Variants in NEDD4L observed in about 807,000 individuals in gnomAD.
The protein encoded by NEDD4L is NEDD4 like E3 ubiquitin protein ligase, also known as E3 ubiquitin-protein ligase NEDD4-like.
A neutral mutation model predicts 148.9 loss-of-function variants in NEDD4L; 54 were observed. The ratio of observed to expected loss-of-function variants is 0.36; its 90% CI spans 0.29 to 0.45. The LOEUF is 0.45. NEDD4L is among the 20% of genes least tolerant of loss of function. The probability of loss-of-function intolerance (pLI) is 1.00; values close to 1 mark genes in which losing one functional copy is unlikely to be tolerated. For missense variants in NEDD4L, 856 were observed against 1,233.8 expected (o/e 0.69, Z 4.59); for synonymous variants, 433 against 440.7 (o/e 0.98, Z 0.22).
chr18:58,077,051 T>C (rs566343686), intron 1 of NEDD4L, among the ~76,000 whole-genome samples: 1 of 151,272 alleles, frequency 6.6e-6, no homozygotes, highest in Non-Finnish European at 1.5e-5. Context: ...GGGGTTTTGC[T>C]AACAGGCCAG....
At chr18:58,147,289 T>C (rs973859790) in intron 1 of NEDD4L, among the ~76,000 whole-genome samples, 6 of 152,172 alleles carry the variant, frequency 3.9e-5, no homozygotes, top group Non-Finnish European at 5.9e-5. Flanking sequence ...TTGTGGGGGC[T>C]GTCCTGTGCC....
intron 5 of NEDD4L, among the ~76,000 whole-genome samples, chr18:58,280,602 G>T (rs949890368): frequency 6.6e-6 from 1 of 152,220 alleles, no homozygotes; most frequent in African/African-American, 2.4e-5. Flanking sequence ...GCCTGTCGAG[G>T]AAGCTACCTG....
intron 2 of NEDD4L, among the ~76,000 whole-genome samples, chr18:58,202,667 C>G (rs149067357): frequency 6.6e-6 from 1 of 152,248 alleles, no homozygotes. Context: ...GGGGTTCAGA[C>G]TTGATCCTTT....
intron 9 of NEDD4L, 61 bp downstream of exon 9, chr18:58,325,223 T>C (rs2059207057): frequency 2.5e-6 from 4 of 1,582,062 alleles, no homozygotes; most frequent in East Asian, 2.3e-5. Context: ...GGGACAAATA[T>C]GGCGGCCCTT....
chr18:58,082,102 A>ATATATATATATTTTTTTTTTTT, intron 1 of NEDD4L, among the ~76,000 whole-genome samples: 1 of 48,830 alleles, frequency 2.0e-5, no homozygotes, highest in Non-Finnish European at 3.1e-5. Context: ...ATATATATAT[A>ATATATATATATTTTTTTTTTTT]TTTTTTTTTT....
chr18:58,377,373 C>T (rs1427127639), intron 24 of NEDD4L, among the ~76,000 whole-genome samples: 4 of 152,176 alleles, frequency 2.6e-5, no homozygotes, highest in African/African-American at 9.7e-5. Context: ...TGCAGTCAGC[C>T]TTCCACGGTG....
intron 13 of NEDD4L, among the ~76,000 whole-genome samples, chr18:58,337,682 C>A (rs9962106): frequency 6.6e-6 from 1 of 151,828 alleles, no homozygotes; most frequent in Non-Finnish European, 1.5e-5. Context: ...TATTCACTGA[C>A]GTAAAGGCAC....
At chr18:58,114,629 G>C (rs556570406) in intron 1 of NEDD4L, among the ~76,000 whole-genome samples, 40 of 152,160 alleles carry the variant, frequency 2.6e-4, no homozygotes, top group African/African-American at 8.9e-4. Context: ...CAGGACCGCA[G>C]AGCGGTGGCT....
chr18:58,138,830 G>A (rs192257809), intron 1 of NEDD4L, among the ~76,000 whole-genome samples: 1 of 152,178 alleles, frequency 6.6e-6, no homozygotes, highest in Non-Finnish European at 1.5e-5. Context: ...TGATCACCTC[G>A]TAAAGGCTCC....
chr18:58,337,101 A>G (rs1377182117), intron 13 of NEDD4L, among the ~76,000 whole-genome samples: 1 of 152,182 alleles, frequency 6.6e-6, no homozygotes, highest in Non-Finnish European at 1.5e-5. Context: ...ACCTGGCAGG[A>G]CAAGGTGACC....
intron 18 of NEDD4L, among the ~76,000 whole-genome samples, chr18:58,356,288 CTTT>C (rs34623575): frequency 2.9e-5 from 4 of 136,722 alleles, no homozygotes; most frequent in African/African-American, 2.9e-5. Context: ...TTTTCTTCTT[CTTT>C]TTTTTTTTTT....
At chr18:58,341,630 A>G (rs752038103) in intron 14 of NEDD4L, 48 bp from the exon 15 acceptor site, 3 of 1,583,114 alleles carry the variant, frequency 1.9e-6, no homozygotes, top group Non-Finnish European at 1.7e-6. Context: ...AATCACACAC[A>G]CCGGGAGATC....
intron 1 of NEDD4L, chr18:58,046,582 C>T (rs1453371435): frequency 6.6e-6 from 1 of 152,184 alleles, no homozygotes; most frequent in Non-Finnish European, 1.5e-5. Context: ...TTTACATTGG[C>T]AGTGAGTGTC....
rs180704600 is a variant in NEDD4L, at chr18:58,264,122, A to G, written c.297+12068A>G. 8.5e-5 allele frequency among the ~76,000 whole-genome samples: 13 copies of G among 152,240 alleles called. No individual in the cohort carries two copies. In the East Asian group the frequency reaches 1.7e-3, roughly 20 times the overall value. On this transcript the variant is annotated intron_variant, in intron 5 of 30. Coordinates refer to ENST00000400345, the MANE Select transcript of NEDD4L (RefSeq NM_001144967.3). ...AATTTAGTTTGAATATTTAAGTTGA[A>G]TTAACCTCTTACTACAGTAATTATC...
At chr18:58,070,711 C>A (rs1192103504) in intron 1 of NEDD4L, among the ~76,000 whole-genome samples, 2 of 150,620 alleles carry the variant, frequency 1.3e-5, no homozygotes, top group African/African-American at 4.9e-5. Context: ...CACACGCCCT[C>A]TCACCTACCC....
intron 1 of NEDD4L, among the ~76,000 whole-genome samples, chr18:58,121,668 GA>G (rs1568245729): frequency 6.6e-6 from 1 of 152,134 alleles, no homozygotes; most frequent in African/African-American, 2.4e-5. Context: ...GTTGGCTTTC[GA>G]AAGTGCTGGG....
chr18:58,191,819 C>T (rs998623901), intron 2 of NEDD4L, among the ~76,000 whole-genome samples: 11 of 152,164 alleles, frequency 7.2e-5, no homozygotes, highest in Non-Finnish European at 1.3e-4. Context: ...ATCTGGGAAA[C>T]TCCAATGCTG....
chr18:58,348,604 G>C (rs150291380), intron 16 of NEDD4L, among the ~76,000 whole-genome samples: 1 of 152,042 alleles, frequency 6.6e-6, no homozygotes, highest in Admixed American at 6.5e-5. Context: ...ATGAGCCATC[G>C]TGCCCGGCCT....
At chr18:58,350,311 T>C (rs2043715328) in intron 17 of NEDD4L, among the ~76,000 whole-genome samples, 1 of 152,158 alleles carries the variant, frequency 6.6e-6, no homozygotes, top group Admixed American at 6.5e-5. Flanking sequence ...AAGGTTAAGG[T>C]TCAATCATTA....
Sources: allele counts gnomAD v4.1 joint callset (sites outside exome capture counted in the v4.1 genomes callset), GRCh38; gene constraint gnomAD v4.1.1; transcripts MANE v1.5; gene names NCBI Gene and HGNC (gene_info 2026-07-23, HGNC 2026-07-21).